Variants in PDLIM5 observed in about 807,000 individuals in gnomAD.
PDLIM5 encodes the protein PDZ and LIM domain 5, also known as PDZ and LIM domain protein 5.
In PDLIM5, 34 loss-of-function variants were observed where a neutral mutation model predicts 64.2. The observed-to-expected ratio is 0.53, with a 90% CI of 0.40 to 0.71. The LOEUF is 0.71. Ranked by LOEUF, PDLIM5 falls within the 30% of genes least tolerant of loss-of-function variation. PDLIM5 has a pLI of 0.00. For missense variants in PDLIM5, 683 were observed against 733.6 expected, an observed-to-expected ratio of 0.93 and a Z score of 0.80; for synonymous variants, 253 against 269.1, an observed-to-expected ratio of 0.94 and a Z score of 0.59.
At chr4:94,635,124 A>G (rs572390014) in intron 8 of PDLIM5, among the ~76,000 whole-genome samples, 1 of 152,322 alleles carries the variant, frequency 6.6e-6, no homozygotes, top group South Asian at 2.1e-4. Flanking sequence ...AGTTAACGAA[A>G]GAGATTCTCA....
chr4:94,534,155 C>T lies in PDLIM5; in HGVS notation c.248+10280C>T, dbSNP rs542754254. On this transcript the variant is annotated intron_variant, in intron 3 of 12. Transcript: ENST00000317968. Reference sequence around the variant, plus strand: ...ACTCCTCGTGTTCATCTTAGAGGAACGATGCAAATGTAGTTCTTCTTTACT... The same window carrying T: ...ACTCCTCGTGTTCATCTTAGAGGAATGATGCAAATGTAGTTCTTCTTTACT... Among the ~76,000 whole-genome samples, 5 of 152,118 alleles carry T rather than the reference C, an allele frequency of 3.3e-5. No homozygotes were observed. The South Asian group carries it at 8.3e-4, about 25-fold the overall frequency.
rs900622767 is a variant in PDLIM5, at chr4:94,665,430, G to C, written c.*1363G>C. 3.5e-6 allele frequency: 2 copies of C among 565,100 alleles called. No individual in the cohort carries two copies. The highest frequency in any genetic ancestry group is 4.5e-5 in the African/African-American group (2 of 44,778). The allele number at this position is 565,100 out of a possible 1,614,324, so 35.0% of individuals were successfully genotyped here. A position where few individuals can be genotyped will look rare whatever the true frequency, so the allele number is the denominator to read the frequency against. The stretch of plus-strand genomic sequence containing the variant: ...CAGGAGACGGAAGTTGCAGTGAGCT[G>C]AGATCACACCACTGCACTCCAGCCT... On this transcript the variant is annotated 3_prime_UTR_variant, in exon 13 of 13. Transcript: ENST00000317968.
At chr4:94,630,680 T>G (rs948226683) in intron 8 of PDLIM5, among the ~76,000 whole-genome samples, 2 of 152,122 alleles carry the variant, frequency 1.3e-5, no homozygotes, top group South Asian at 2.1e-4. Context: ...CGGCCTAGTA[T>G]CCATTGATAT....
chr4:94,531,102 G>A (rs934638499), intron 3 of PDLIM5, among the ~76,000 whole-genome samples: 1 of 152,024 alleles, frequency 6.6e-6, no homozygotes, highest in Non-Finnish European at 1.5e-5. Context: ...CATCCCATTT[G>A]AAGTTACTTT....
chr4:94,576,147 T>C, intron 5 of PDLIM5, 113 bp downstream of exon 5: 1 of 846,440 alleles, frequency 1.2e-6, no homozygotes, highest in Non-Finnish European at 1.9e-6. Flanking sequence ...GGAAGGGAGA[T>C]GAAGTATTAT....
At chr4:94,452,558 C>T (rs555897430) in intron 1 of PDLIM5, among the ~76,000 whole-genome samples, 25 of 152,342 alleles carry the variant, frequency 1.6e-4, no homozygotes, top group African/African-American at 5.8e-4. Context: ...TTCTGCGCGT[C>T]CAGAAATAAA....
chr4:94,612,722 G>C (rs1201581600), intron 7 of PDLIM5, among the ~76,000 whole-genome samples: 1 of 151,826 alleles, frequency 6.6e-6, no homozygotes, highest in Non-Finnish European at 1.5e-5. Context: ...TTGGCATTCT[G>C]GGGTTTCCTG....
intron 7 of PDLIM5, among the ~76,000 whole-genome samples, chr4:94,598,886 A>G (rs1034605241): frequency 2.0e-5 from 3 of 152,040 alleles, no homozygotes; most frequent in Non-Finnish European, 2.9e-5. Flanking sequence ...GGATGTGGAG[A>G]TGTCCTCTCC....
At chr4:94,477,741 A>G (rs866122282) in intron 2 of PDLIM5, among the ~76,000 whole-genome samples, 2 of 152,116 alleles carry the variant, frequency 1.3e-5, no homozygotes, top group Admixed American at 6.6e-5. Context: ...AGTTACACCA[A>G]CTGTGCTTGC....
intron 2 of PDLIM5, among the ~76,000 whole-genome samples, chr4:94,478,883 G>A (rs1725570822): frequency 7.5e-6 from 1 of 132,796 alleles, no homozygotes; most frequent in African/African-American, 3.2e-5. Flanking sequence ...AGGTAGGTGT[G>A]CTTGGTGTTT....
chr4:94,552,835 T>A (rs1732929895), intron 3 of PDLIM5, among the ~76,000 whole-genome samples: 1 of 151,960 alleles, frequency 6.6e-6, no homozygotes, highest in African/African-American at 2.4e-5. Flanking sequence ...CAGAAAAAAA[T>A]GCACATCAGG....
At chr4:94,624,250 G>A (rs1043813627) in intron 8 of PDLIM5, among the ~76,000 whole-genome samples, 6 of 152,034 alleles carry the variant, frequency 3.9e-5, no homozygotes, top group African/African-American at 9.7e-5. Flanking sequence ...CCTGGGAGGC[G>A]GAGGTTGCAG....
intron 2 of PDLIM5, among the ~76,000 whole-genome samples, chr4:94,519,572 C>T (rs907314183): frequency 9.9e-5 from 15 of 152,130 alleles, no homozygotes; most frequent in African/African-American, 3.1e-4. Context: ...TATTTAATCA[C>T]GTTGAAGCTC....
At chr4:94,540,126 ATTC>A (rs1286161834) in intron 3 of PDLIM5, among the ~76,000 whole-genome samples, 4 of 140,116 alleles carry the variant, frequency 2.9e-5, no homozygotes, top group East Asian at 2.1e-4. Flanking sequence ...AGATGCTACT[ATTC>A]TTCTTTTTTT....
At chr4:94,584,980 T>C in intron 5 of PDLIM5, 1 of 1,527,528 alleles carries the variant, frequency 6.5e-7, no homozygotes, top group Non-Finnish European at 9.0e-7. Context: ...CTCTGTCAAT[T>C]AAAAGGAAAA....
rs1743078881 is a variant in PDLIM5 at position 94,666,319 on chromosome 4, A to G, written c.*2252A>G. 3 of 308,696 alleles carry G rather than the reference A, an allele frequency of 9.7e-6. No homozygotes were observed. The highest frequency in any genetic ancestry group is 2.7e-4 in the South Asian group (2 of 7,424). The allele number at this position is 308,696 out of a possible 1,614,324, so 19.1% of individuals were successfully genotyped here. A position where few individuals can be genotyped will look rare whatever the true frequency, so the allele number is the denominator to read the frequency against. On this transcript the variant is annotated 3_prime_UTR_variant, in exon 13 of 13. Transcript: ENST00000317968. ...TAAAAGAATGGCAAGGGGTGACACA[A>G]AGTAGCAAACTGAATACTTCTCCAA...
chr4:94,492,444 C>T (rs867478685), intron 2 of PDLIM5, among the ~76,000 whole-genome samples: 10 of 152,088 alleles, frequency 6.6e-5, no homozygotes, highest in African/African-American at 1.9e-4. Flanking sequence ...GTGTATAATT[C>T]GGTGGCATTT....
intron 11 of PDLIM5, 22 bp downstream of exon 11, chr4:94,657,569 T>A (rs979786838): frequency 3.5e-5 from 55 of 1,582,022 alleles, no homozygotes; most frequent in Non-Finnish European, 4.6e-5. Context: ...GAGCCATTTG[T>A]TTCTTGAATT....
intron 9 of PDLIM5, among the ~76,000 whole-genome samples, chr4:94,652,076 C>T (rs1472882469): frequency 6.6e-6 from 1 of 152,086 alleles, no homozygotes; most frequent in African/African-American, 2.4e-5. Flanking sequence ...TTTTTCTTCT[C>T]AGATGAACTT....
Sources: gnomAD v4.1 joint callset for allele counts (sites outside exome capture counted in the v4.1 genomes callset) on GRCh38, gnomAD v4.1.1 for gene constraint, MANE v1.5 for transcripts, NCBI Gene and HGNC (gene_info 2026-07-23, HGNC 2026-07-21) for gene names.